The following NISCH variants were observed in gnomAD, a reference collection of about 807,000 sequenced individuals.
The protein encoded by NISCH is I-1 receptor candidate protein.
Under a neutral mutation model 138.4 loss-of-function variants are expected in NISCH, and 55 were observed. That is an observed-to-expected ratio of 0.40 (90% confidence interval 0.32 to 0.50). NISCH has a LOEUF of 0.50. Among genes scored for constraint, NISCH ranks in the 20% least tolerant of loss-of-function variants. NISCH has a pLI of 0.71. For missense variants in NISCH, 1,643 were observed against 2,005.5 expected (o/e 0.82, Z 3.45); for synonymous variants, 860 against 861.5 (o/e 1.00, Z 0.03).
chr3:52,466,914 G>A (rs1484860830), intron 3 of NISCH, among the ~76,000 whole-genome samples: 2 of 152,152 alleles, frequency 1.3e-5, no homozygotes, highest in African/African-American at 4.8e-5. Flanking sequence ...GTGGGCAGGT[G>A]GTGCGGCTGA....
At chr3:52,476,415 G>C (rs1707098352) in intron 7 of NISCH, 32 bp from the exon 8 acceptor site, 1 of 1,610,088 alleles carries the variant, frequency 6.2e-7, no homozygotes, top group Non-Finnish European at 8.5e-7. Context: ...GAGGGCCCGA[G>C]TGTGGTGCTC....
intron 20 of NISCH, 171 bp from the exon 21 acceptor site, chr3:52,491,701 A>C (rs1707569561): frequency 3.8e-6 from 4 of 1,066,576 alleles, no homozygotes; most frequent in Non-Finnish European, 1.3e-6. Context: ...ACCATCTGGC[A>C]GACACATCTC....
chr3:52,489,356 A>G lies in NISCH; in HGVS notation c.3134A>G (p.Glu1045Gly). The change falls in exon 17 of 21, where the codon GAG becomes GGG. Residue 1045 changes from glutamate (E) to glycine (G), a missense_variant. Transcript: ENST00000345716. The part of the protein sequence containing the change: ...RRASNDQRPQ[E>G]VPAEALAPAP... The stretch of plus-strand genomic sequence containing the variant: ...TACAGCAATGACCAGCGTCCCCAGG[A>G]GGTCCCAGCAGAGGCTCTGGCCCCG... 6.2e-7 allele frequency: 1 copy of G among 1,612,760 alleles called. No homozygotes were observed. The highest frequency in any genetic ancestry group is 8.5e-7 in the Non-Finnish European group (1 of 1,179,802).
chr3:52,477,235 G>A (rs901860244), intron 8 of NISCH, among the ~76,000 whole-genome samples: 2 of 152,244 alleles, frequency 1.3e-5, no homozygotes, highest in Non-Finnish European at 2.9e-5. Context: ...CATTTGGGCA[G>A]TAAGAGTGTC....
rs750563676 is a variant in NISCH at position 52,487,436 on chromosome 3, C to T, written c.1944C>T (p.Asp648=). The change falls in exon 16 of 21, where the codon GAC becomes GAT. Residue 648 remains aspartate (D), a synonymous_variant. Coordinates refer to ENST00000345716, the MANE Select transcript of NISCH (RefSeq NM_007184.4). This position sits in a 1 kb window ranked among gnomAD's most constrained non-coding sequence, Gnocchi z 9.1. ...EEDEEEEEEE[D]VAENRYFEMG... ...ATGAGGAGGAGGAAGAAGAGGAGGA[C>T]GTGGCTGAGAACCGCTACTTTGAAA... 6 of 1,608,186 alleles carry T rather than the reference C, an allele frequency of 3.7e-6. No homozygotes were observed. The highest frequency in any genetic ancestry group is 4.3e-6 in the Non-Finnish European group (5 of 1,175,672).
chr3:52,480,706 G>C (rs1578301711), intron 13 of NISCH: 3 of 1,421,450 alleles, frequency 2.1e-6, no homozygotes, highest in Non-Finnish European at 2.7e-6. Context: ...CCCTGTGCAG[G>C]GAAAAGCTTG....
chr3:52,477,742 T>A, intron 9 of NISCH, 100 bp downstream of exon 9: 2 of 988,140 alleles, frequency 2.0e-6, no homozygotes, highest in Non-Finnish European at 3.3e-6. Context: ...CCAGGGGTTG[T>A]AAGGGCAGGG....
intron 8 of NISCH, 122 bp from the exon 9 acceptor site, chr3:52,477,452 G>A: frequency 1.3e-6 from 1 of 758,976 alleles, no homozygotes; most frequent in Non-Finnish European, 2.3e-6. Flanking sequence ...GGTCCTGCAG[G>A]GACGGCCCGT....
At position 52,492,769 on chromosome 3, in the gene NISCH, CTGT is replaced by C; in HGVS notation, c.*288_*290del. 1 of 448,734 alleles carries C rather than the reference CTGT, an allele frequency of 2.2e-6. No individual in the cohort carries two copies. Among genetic ancestry groups the C allele is most frequent in the Admixed American group, 3.8e-5 (1 of 26,176 alleles). 27.8% of individuals were successfully genotyped at this position (448,734 alleles called of 1,614,324 possible). ...GTGGGACCGTTGTTAACACGTGACA[CTGT>C]GGGTCTGACTTTCTCTTCTACACGT... On this transcript the variant is annotated 3_prime_UTR_variant, in exon 21 of 21. Transcript: ENST00000345716.
In NISCH at chr3:52,491,953, C is replaced by T. The variant is rs750890708; in HGVS notation, c.3986C>T (p.Thr1329Met). The T allele has an allele frequency of 8.1e-6, 13 of 1,613,570 alleles. No individual in the cohort carries two copies. The highest frequency in any genetic ancestry group is 1.6e-4 in the Middle Eastern group (1 of 6,084). ...YPSEEEIGDLTFTVAQKMAEP... is the reference protein window; with the variant it reads ...YPSEEEIGDLMFTVAQKMAEP... ...AGTGAGGAGGAGATTGGGGACCTGA[C>T]GTTCACTGTGGCCCAAAAGATGGCT... The change falls in exon 21 of 21, where the codon ACG becomes ATG. Residue 1329 changes from threonine to methionine, a missense_variant. Physicochemically the swap from Thr to Met is moderately conservative, Grantham distance 81 (BLOSUM62 -1). Transcript: ENST00000345716.
rs185791136 is a variant in NISCH at position 52,458,858 on chromosome 3, C to T, written c.360+14C>T. On this transcript the variant is annotated intron_variant, in intron 3 of 20. Coordinates refer to ENST00000345716, the MANE Select transcript of NISCH (RefSeq NM_007184.4). ...TTTCACTTCTATGTAAGTTCCTCATCGGGTTTTCACCTGTGCCTGCAAACC... is the reference window on the plus strand; with the variant it reads ...TTTCACTTCTATGTAAGTTCCTCATTGGGTTTTCACCTGTGCCTGCAAACC... 47 of 1,580,138 alleles carry T rather than the reference C, an allele frequency of 3.0e-5. No homozygotes were observed. In the African/African-American group the frequency reaches 4.6e-4, roughly 16 times the overall value.
At chr3:52,465,106 A>G (rs769467607) in intron 3 of NISCH, among the ~76,000 whole-genome samples, 1 of 152,176 alleles carries the variant, frequency 6.6e-6, no homozygotes, top group Non-Finnish European at 1.5e-5. Flanking sequence ...GGTCACAAAG[A>G]TTTATAACAA....
chr3:52,470,827 C>CT, intron 3 of NISCH, 32 bp from the exon 4 acceptor site: 1 of 1,612,314 alleles, frequency 6.2e-7, no homozygotes, highest in Non-Finnish European at 8.5e-7. Flanking sequence ...GTCAGGTGGA[C>CT]TTTCTAAGGG....
chr3:52,482,955 A>G (rs1327395657), intron 13 of NISCH, among the ~76,000 whole-genome samples: 1 of 152,166 alleles, frequency 6.6e-6, no homozygotes, highest in Non-Finnish European at 1.5e-5. Context: ...GGAGGAGAAC[A>G]GGGTAGGATG....
At chr3:52,467,823 C>T (rs188315133) in intron 3 of NISCH, among the ~76,000 whole-genome samples, 1 of 152,270 alleles carries the variant, frequency 6.6e-6, no homozygotes, top group Admixed American at 6.5e-5. Flanking sequence ...CAGGGTCTTG[C>T]TGTGTTGCCC....
intron 7 of NISCH, 73 bp from the exon 8 acceptor site, chr3:52,476,374 G>A (rs1036736170): frequency 6.5e-7 from 1 of 1,549,190 alleles, no homozygotes; most frequent in African/African-American, 1.4e-5. Context: ...CTTAAATTCT[G>A]CAACGACTGT....
At chr3:52,484,780 T>C in intron 14 of NISCH, 143 bp downstream of exon 14, 2 of 826,888 alleles carry the variant, frequency 2.4e-6, no homozygotes, top group Non-Finnish European at 3.9e-6. Flanking sequence ...TGCCACGGTC[T>C]TTCTCTTGGA....
chr3:52,484,384 G>T, intron 13 of NISCH, 129 bp from the exon 14 acceptor site: 1 of 734,676 alleles, frequency 1.4e-6, no homozygotes, highest in Non-Finnish European at 2.2e-6. Context: ...AATCCATGTG[G>T]CTGGGTTTTG....
intron 1 of NISCH, 29 bp downstream of exon 1, chr3:52,455,763 G>A (rs753335700): frequency 2.3e-6 from 3 of 1,327,982 alleles, no homozygotes; most frequent in Admixed American, 3.1e-5. Context: ...CACCCGAAGC[G>A]GGGGTGGTGG....
Sources: allele counts gnomAD v4.1 joint callset (sites outside exome capture counted in the v4.1 genomes callset), GRCh38; gene constraint gnomAD v4.1.1; non-coding constraint Gnocchi (gnomAD v3.1); transcripts MANE v1.5; gene names NCBI Gene and HGNC (gene_info 2026-07-23, HGNC 2026-07-21).